FAM227B: variants seen among roughly 807,000 people sequenced by gnomAD.
The protein encoded by FAM227B is family with sequence similarity 227 member B.
FAM227B carries 88 observed loss-of-function variants against 73.8 expected under a neutral mutation model. The ratio of observed to expected loss-of-function variants is 1.19; its 90% CI spans 1.00 to 1.42. FAM227B has a LOEUF of 1.42. Ranked by LOEUF, FAM227B falls within the 40% of genes most tolerant of loss-of-function variation. The probability of loss-of-function intolerance (pLI) is 0.00; values close to 1 mark genes in which losing one functional copy is unlikely to be tolerated. For synonymous variants in FAM227B, 210 were observed against 190.5 expected, an observed-to-expected ratio of 1.10 and a Z score of -0.84; for missense variants, 632 against 590.9, an observed-to-expected ratio of 1.07 and a Z score of -0.72.
intron 11 of FAM227B, among the ~76,000 whole-genome samples, chr15:49,476,889 C>T (rs968847232): frequency 1.3e-5 from 2 of 151,920 alleles, no homozygotes; most frequent in African/African-American, 4.8e-5. Flanking sequence ...GAAACCTCGT[C>T]TCTACTAAAA....
chr15:49,457,798 T>C (rs1189371974), intron 11 of FAM227B, among the ~76,000 whole-genome samples: 2 of 151,936 alleles, frequency 1.3e-5, no homozygotes, highest in Non-Finnish European at 2.9e-5. Flanking sequence ...TATTAGAGAA[T>C]AGGAATTTTT....
At chr15:49,534,525 G>A (rs1367432736) in intron 10 of FAM227B, among the ~76,000 whole-genome samples, 2 of 150,716 alleles carry the variant, frequency 1.3e-5, no homozygotes, top group African/African-American at 4.8e-5. Flanking sequence ...ATAATAACAA[G>A]AGACTTTAAC....
At chr15:49,378,172 T>C (rs1416214877) in intron 11 of FAM227B, among the ~76,000 whole-genome samples, 2 of 152,084 alleles carry the variant, frequency 1.3e-5, no homozygotes, top group Non-Finnish European at 2.9e-5. Flanking sequence ...TCACTGTAGG[T>C]GTGTGGGTTT....
At chr15:49,563,614 A>C (rs1203874094) in intron 9 of FAM227B, among the ~76,000 whole-genome samples, 1 of 152,254 alleles carries the variant, frequency 6.6e-6, no homozygotes, top group Non-Finnish European at 1.5e-5. Flanking sequence ...ACAGTAACCA[A>C]AACAGCATGG....
chr15:49,523,700 G>C (rs2059946638), intron 10 of FAM227B, among the ~76,000 whole-genome samples: 1 of 152,072 alleles, frequency 6.6e-6, no homozygotes, highest in South Asian at 2.1e-4. Flanking sequence ...AGGAAGTTTG[G>C]AACTTCCTAG....
chr15:49,490,547 A>G (rs1322953648), intron 11 of FAM227B, among the ~76,000 whole-genome samples: 2 of 151,996 alleles, frequency 1.3e-5, no homozygotes, highest in Non-Finnish European at 2.9e-5. Context: ...AAAAATCTAG[A>G]GAAATTATGC....
At chr15:49,332,487 T>C (rs907268096) in intron 14 of FAM227B, among the ~76,000 whole-genome samples, 3 of 152,056 alleles carry the variant, frequency 2.0e-5, no homozygotes, top group Admixed American at 6.6e-5. Flanking sequence ...TATGAAGGAC[T>C]TGAATGGTTG....
At chr15:49,549,371 G>A (rs2072462733) in intron 9 of FAM227B, among the ~76,000 whole-genome samples, 1 of 145,410 alleles carries the variant, frequency 6.9e-6, no homozygotes, top group Non-Finnish European at 1.5e-5. Flanking sequence ...GTTTCTCGCA[G>A]AGGGGGATTT....
intron 11 of FAM227B, chr15:49,486,394 G>A (rs2056404719): frequency 6.6e-6 from 1 of 151,984 alleles, no homozygotes; most frequent in Admixed American, 6.6e-5. Flanking sequence ...TTTGAGGTCA[G>A]GCTTCAGTAA....
chr15:49,328,277 T>C lies in FAM227B; in HGVS notation c.*291A>G, dbSNP rs748423606. On this transcript the variant is annotated 3_prime_UTR_variant, in exon 16 of 16. Transcript: ENST00000299338. ...GTATTATGATGAACGGTTGCTATTA[T>C]ATCAAGATATATTTTCAAAGAAATG... 32 of 1,442,874 alleles carry C rather than the reference T, an allele frequency of 2.2e-5. No individual in the cohort carries two copies. The highest frequency in any genetic ancestry group is 2.9e-5 in the Non-Finnish European group (32 of 1,099,388). 89.4% of individuals were successfully genotyped at this position (1,442,874 alleles called of 1,614,324 possible).
At chr15:49,571,743 A>G (rs2075122203) in intron 8 of FAM227B, among the ~76,000 whole-genome samples, 1 of 151,826 alleles carries the variant, frequency 6.6e-6, no homozygotes, top group Admixed American at 6.6e-5. Context: ...TTTTTTGGTT[A>G]CTACAGCATT....
chr15:49,445,476 G>T (rs947257892), intron 11 of FAM227B, among the ~76,000 whole-genome samples: 1 of 151,230 alleles, frequency 6.6e-6, no homozygotes, highest in Non-Finnish European at 1.5e-5. Flanking sequence ...TTTTTCTTTA[G>T]AACATTTTTA....
intron 11 of FAM227B, among the ~76,000 whole-genome samples, chr15:49,464,822 T>G (rs2054119704): frequency 6.6e-6 from 1 of 152,196 alleles, no homozygotes; most frequent in Non-Finnish European, 1.5e-5. Context: ...CCATTCTCCT[T>G]GCTTAGCGTT....
intron 3 of FAM227B, among the ~76,000 whole-genome samples, chr15:49,604,500 T>C (rs909857317): frequency 6.6e-6 from 1 of 152,200 alleles, no homozygotes; most frequent in Middle Eastern, 3.2e-3. Flanking sequence ...TTTTGAGAAT[T>C]TCATTATAAT....
At chr15:49,479,363 A>G (rs9302149) in intron 11 of FAM227B, among the ~76,000 whole-genome samples, 150,618 of 152,106 alleles carry the variant, frequency 0.99, 74,594 homozygotes, top group Middle Eastern at 1. Flanking sequence ...TTTACTGGGT[A>G]CTACTTAATG....
intron 8 of FAM227B, among the ~76,000 whole-genome samples, chr15:49,574,190 T>C (rs1325292558): frequency 1.3e-5 from 2 of 152,134 alleles, no homozygotes; most frequent in Non-Finnish European, 2.9e-5. Context: ...GAGCAATTTT[T>C]TTTAAACATT....
Position 49,328,402 on chromosome 15 carries a change from TA to T in FAM227B, c.*165del. ...CATGCTTGGACAGATCTTTTAAGAA[TA>T]ACTTACTGAGATTTATTGATTTGAA... On this transcript the variant is annotated 3_prime_UTR_variant, in exon 16 of 16. Transcript: ENST00000299338. The T allele has an allele frequency of 1.4e-6, 2 of 1,430,574 alleles. No homozygotes were observed. Among genetic ancestry groups the T allele is most frequent in the Non-Finnish European group, 9.1e-7 (1 of 1,095,408 alleles). 88.6% of individuals were successfully genotyped at this position (1,430,574 alleles called of 1,614,324 possible).
rs769416028 is a variant in FAM227B, at chr15:49,328,580, T to C, written c.1515A>G (p.Glu505=). 1.7e-5 allele frequency: 27 copies of C among 1,600,674 alleles called. No homozygotes were observed. Among genetic ancestry groups the C allele is most frequent in the Non-Finnish European group, 2.3e-5 (27 of 1,171,276 alleles). Reference sequence around the variant, plus strand: ...TTTCTGGTTTCTCTTAGTATTCTTCTTCCTCAAAGTTGTAGTTGTCTGTTG... The same window carrying C: ...TTTCTGGTTTCTCTTAGTATTCTTCCTCCTCAAAGTTGTAGTTGTCTGTTG... The part of the protein sequence containing the change: ...PSSTDNYNFE[E]EEY Residue 505 remains glutamate (E), a synonymous_variant, in exon 16 of 16, where the codon GAA becomes GAG. Coordinates refer to ENST00000299338, the MANE Select transcript of FAM227B (RefSeq NM_152647.3).
intron 11 of FAM227B, among the ~76,000 whole-genome samples, chr15:49,378,756 T>A (rs1403906558): frequency 6.6e-6 from 1 of 152,212 alleles, no homozygotes; most frequent in African/African-American, 2.4e-5. Context: ...ATAACAATCA[T>A]TTGACTTCTT....
Sources: gnomAD v4.1 joint callset for allele counts (sites outside exome capture counted in the v4.1 genomes callset) on GRCh38, gnomAD v4.1.1 for gene constraint, MANE v1.5 for transcripts, NCBI Gene and HGNC (gene_info 2026-07-23, HGNC 2026-07-21) for gene names.